The following EXT1 variants were observed in gnomAD, a reference collection of about 807,000 sequenced individuals.
EXT1 encodes exostosin glycosyltransferase 1, also known as exostosin-1.
A neutral mutation model predicts 82.5 loss-of-function variants in EXT1; 20 were observed. The ratio of observed to expected loss-of-function variants is 0.24; its 90% CI spans 0.17 to 0.35. EXT1 has a LOEUF of 0.35. EXT1 is among the 10% of genes least tolerant of loss of function. The pLI is 1.00. For synonymous variants in EXT1, 348 were observed against 350.8 expected (o/e 0.99, Z 0.09); for missense variants, 757 against 936.5 (o/e 0.81, Z 2.50).
chr8:117,935,013 TCTTA>T (rs933260830), intron 1 of EXT1, among the ~76,000 whole-genome samples: 22 of 152,322 alleles, frequency 1.4e-4, no homozygotes, highest in Non-Finnish European at 2.8e-4. Flanking sequence ...ATGTGAGCTT[TCTTA>T]TCAAGACAGA....
intron 1 of EXT1, among the ~76,000 whole-genome samples, chr8:117,929,460 G>T (rs1814010747): frequency 6.6e-6 from 1 of 152,210 alleles, no homozygotes. Flanking sequence ...TCCGTCCGTT[G>T]CCATGCTCAC....
intron 1 of EXT1, among the ~76,000 whole-genome samples, chr8:118,060,931 A>G (rs985428128): frequency 3.9e-5 from 6 of 152,268 alleles, no homozygotes; most frequent in African/African-American, 1.4e-4. Flanking sequence ...CTTTCTTTAC[A>G]TCATGAGATG....
In EXT1 at chr8:117,819,766, T is replaced by A. The variant is rs1166590890; in HGVS notation, c.1446A>T (p.Ala482=). The A allele has an allele frequency of 6.2e-7, 1 of 1,613,448 alleles. No homozygotes were observed. Among genetic ancestry groups the A allele is most frequent in the Admixed American group, 1.7e-5 (1 of 59,996 alleles). Residue 482 remains alanine (A), a synonymous_variant, in exon 6 of 11, where the codon GCA becomes GCT. Coordinates refer to ENST00000378204, the MANE Select transcript of EXT1 (RefSeq NM_000127.3). ...CCAGGGGGGTCACCGCATGGATGAC[T>A]GCAGTGAATTTGGAGGGGGGCTTTA... is the stretch of plus-strand genomic sequence containing the variant. ...LGLKPPSKFT[A]VIHAVTPLVS...
intron 1 of EXT1, among the ~76,000 whole-genome samples, chr8:117,950,910 A>AT (rs923900940): frequency 7.3e-5 from 11 of 151,414 alleles, no homozygotes; most frequent in East Asian, 5.8e-4. Flanking sequence ...AGAAACAAAA[A>AT]TTTTTTTTTT....
intron 4 of EXT1, among the ~76,000 whole-genome samples, chr8:117,828,534 C>G (rs1812045094): frequency 6.6e-6 from 1 of 151,808 alleles, no homozygotes; most frequent in South Asian, 2.1e-4. Flanking sequence ...GCACTCTGCA[C>G]TCCAAAAAGG....
At chr8:117,820,205 T>C (rs1390674136) in intron 5 of EXT1, among the ~76,000 whole-genome samples, 1 of 152,190 alleles carries the variant, frequency 6.6e-6, no homozygotes, top group Non-Finnish European at 1.5e-5. Flanking sequence ...ACTAATCGTA[T>C]TTCAAATAAC....
At chr8:118,054,954 A>G (rs889977652) in intron 1 of EXT1, among the ~76,000 whole-genome samples, 15 of 118,386 alleles carry the variant, frequency 1.3e-4, no homozygotes, top group Non-Finnish European at 2.8e-4. Context: ...CTGTATGTAT[A>G]TGTATATATA....
intron 1 of EXT1, among the ~76,000 whole-genome samples, chr8:117,932,856 T>G (rs925645320): frequency 6.6e-6 from 1 of 151,212 alleles, no homozygotes; most frequent in African/African-American, 2.5e-5. Context: ...CAAACTCCAG[T>G]CAGTGAAGCC....
At chr8:117,981,764 G>T (rs1277714737) in intron 1 of EXT1, among the ~76,000 whole-genome samples, 1 of 151,826 alleles carries the variant, frequency 6.6e-6, no homozygotes, top group Non-Finnish European at 1.5e-5. Flanking sequence ...TATAATCCCA[G>T]CTACTCAGAA....
In EXT1 at chr8:118,110,282, G is replaced by C. The variant is rs771892467; in HGVS notation, c.765C>G (p.Thr255=). Residue 255 remains threonine, a synonymous_variant, in exon 1 of 11, where the codon ACC becomes ACG. Transcript: ENST00000378204. ...GCATGTACTTCCTGAGAGGAGGGAT[G>C]GTGTTGAACTTCAAAAACCCCCTCT... The part of the protein sequence containing the change: ...GGERGFLKFN[T]IPPLRKYMLV... The C allele has an allele frequency of 5.6e-6, 9 of 1,613,976 alleles. No individual in the cohort carries two copies. In the East Asian group the frequency reaches 1.8e-4, roughly 32 times the overall value.
At chr8:117,846,401 C>T (rs1487210067) in intron 1 of EXT1, among the ~76,000 whole-genome samples, 1 of 152,270 alleles carries the variant, frequency 6.6e-6, no homozygotes, top group Admixed American at 6.5e-5. Flanking sequence ...AGCCATCGTG[C>T]CTGGCCAGCA....
chr8:117,861,882 G>GA (rs5894399), intron 1 of EXT1, among the ~76,000 whole-genome samples: 81,034 of 143,914 alleles, frequency 0.56, 27,690 homozygotes, highest in Non-Finnish European at 0.67. Context: ...ATCTTGCAGA[G>GA]AGGTAATCCC....
At chr8:117,858,462 A>G (rs552092203) in intron 1 of EXT1, among the ~76,000 whole-genome samples, 2 of 152,222 alleles carry the variant, frequency 1.3e-5, no homozygotes, top group South Asian at 4.1e-4. Context: ...ATTTGAGGTC[A>G]GGAGTTCAAG....
At chr8:117,936,217 T>C (rs1814159137) in intron 1 of EXT1, among the ~76,000 whole-genome samples, 1 of 152,240 alleles carries the variant, frequency 6.6e-6, no homozygotes, top group Non-Finnish European at 1.5e-5. Context: ...GGAATTTCCC[T>C]GCCTGTCTTC....
intron 1 of EXT1, among the ~76,000 whole-genome samples, chr8:117,863,764 A>G (rs1812726325): frequency 6.6e-6 from 1 of 152,152 alleles, no homozygotes; most frequent in Non-Finnish European, 1.5e-5. Flanking sequence ...GGCACTTCAG[A>G]TATGTCAGCA....
At chr8:117,932,444 G>A (rs972689394) in intron 1 of EXT1, among the ~76,000 whole-genome samples, 2 of 152,114 alleles carry the variant, frequency 1.3e-5, no homozygotes, top group Admixed American at 6.5e-5. Flanking sequence ...TCTGGGGGCA[G>A]GAAGGGAAAT....
At chr8:117,960,105 C>T (rs995574327) in intron 1 of EXT1, among the ~76,000 whole-genome samples, 5 of 151,894 alleles carry the variant, frequency 3.3e-5, no homozygotes, top group African/African-American at 1.2e-4. Flanking sequence ...CAGCTACTCA[C>T]GAGGCTGAGG....
intron 1 of EXT1, among the ~76,000 whole-genome samples, chr8:117,976,655 C>T (rs1453693750): frequency 1.4e-4 from 22 of 152,332 alleles, no homozygotes; most frequent in Non-Finnish European, 1.5e-5. Flanking sequence ...GTGGTAATTA[C>T]ATGGGTATAG....
At chr8:117,970,712 C>T (rs2129740394) in intron 1 of EXT1, among the ~76,000 whole-genome samples, 1 of 152,274 alleles carries the variant, frequency 6.6e-6, no homozygotes, top group East Asian at 1.9e-4. Context: ...GATCTAAGTG[C>T]TCACATCACA....
Sources: allele counts gnomAD v4.1 joint callset (sites outside exome capture counted in the v4.1 genomes callset), GRCh38; gene constraint gnomAD v4.1.1; transcripts MANE v1.5; gene names NCBI Gene and HGNC (gene_info 2026-07-23, HGNC 2026-07-21).